The following CUX2 variants were observed in gnomAD, a reference collection of about 807,000 sequenced individuals.
The protein encoded by CUX2 is homeobox protein cut-like 2.
A neutral mutation model predicts 144.8 loss-of-function variants in CUX2; 40 were observed. The observed-to-expected ratio is 0.28, with a 90% confidence interval of 0.21 to 0.36. CUX2 has a LOEUF of 0.36. Among genes scored for constraint, CUX2 ranks in the 10% least tolerant of loss-of-function variants. The pLI, the probability that CUX2 is intolerant of heterozygous loss-of-function variation, is 1.00. For missense variants in CUX2, 1,615 were observed against 1,994.0 expected (o/e 0.81, Z 3.62); for synonymous variants, 827 against 875.6 (o/e 0.94, Z 0.98).
intron 20 of CUX2, among the ~76,000 whole-genome samples, chr12:111,339,226 T>C (rs1006665012): frequency 1.3e-5 from 2 of 151,134 alleles, no homozygotes. Context: ...AACGACTCTG[T>C]CTCAAAAAAA....
At chr12:111,205,723 C>T (rs189355140) in intron 1 of CUX2, among the ~76,000 whole-genome samples, 51 of 152,272 alleles carry the variant, frequency 3.3e-4, no homozygotes, top group Admixed American at 9.8e-4. Flanking sequence ...GACACAGAAA[C>T]GGAGGCTGAG....
intron 3 of CUX2, among the ~76,000 whole-genome samples, chr12:111,243,496 CTTTT>C (rs761276935): frequency 2.5e-5 from 2 of 80,018 alleles, no homozygotes; most frequent in African/African-American, 5.9e-5. Flanking sequence ...GTTGATGTGC[CTTTT>C]TTTTTTTTTT....
At chr12:111,115,074 C>G (rs942024134) in intron 1 of CUX2, among the ~76,000 whole-genome samples, 2 of 152,124 alleles carry the variant, frequency 1.3e-5, no homozygotes, top group Non-Finnish European at 2.9e-5. Flanking sequence ...TATATCTTCA[C>G]AGTAAGTTCT....
At chr12:111,070,729 C>G (rs1871225411) in intron 1 of CUX2, among the ~76,000 whole-genome samples, 1 of 152,056 alleles carries the variant, frequency 6.6e-6, no homozygotes, top group South Asian at 2.1e-4. Flanking sequence ...AGGATTTTTG[C>G]TGCCCTAAAA....
intron 21 of CUX2, among the ~76,000 whole-genome samples, 188 bp downstream of exon 21, chr12:111,342,241 G>T (rs989063643): frequency 6.6e-6 from 1 of 152,114 alleles, no homozygotes; most frequent in Non-Finnish European, 1.5e-5. Flanking sequence ...ACTTTGGGAG[G>T]CCAAGGTGGG....
At chr12:111,254,873 G>A (rs886687816) in intron 3 of CUX2, among the ~76,000 whole-genome samples, 3 of 151,988 alleles carry the variant, frequency 2.0e-5, no homozygotes, top group African/African-American at 4.8e-5. Flanking sequence ...TTTTTGAGAC[G>A]GAGCCTTGCG....
chr12:111,063,363 C>T (rs1870872032), intron 1 of CUX2, among the ~76,000 whole-genome samples: 3 of 152,034 alleles, frequency 2.0e-5, no homozygotes, highest in Admixed American at 2.0e-4. Flanking sequence ...TGCAGTCCAA[C>T]ATTGCTCCAG....
chr12:111,349,043 T>C lies in CUX2; in HGVS notation c.*718T>C, dbSNP rs1888942586. ...GCTTGATAACAGAATGTCCGTGCCA[T>C]TGTAAATGTTGTAGAGATGTGGGCC... On this transcript the variant is annotated 3_prime_UTR_variant, in exon 22 of 22. Coordinates refer to ENST00000261726, the MANE Select transcript of CUX2 (RefSeq NM_015267.4). The C allele has an allele frequency of 6.6e-6, 1 of 152,616 alleles. No individual in the cohort carries two copies. Among genetic ancestry groups the C allele is most frequent in the South Asian group, 2.1e-4 (1 of 4,832 alleles). The allele number at this position is 152,616 out of a possible 1,614,324, so 9.5% of individuals were successfully genotyped here.
intron 1 of CUX2, among the ~76,000 whole-genome samples, chr12:111,125,181 T>C (rs1874974333): frequency 9.1e-6 from 1 of 110,018 alleles, no homozygotes; most frequent in Non-Finnish European, 1.6e-5. Flanking sequence ...TATTCTGGAA[T>C]TTTTTTTTTT....
intron 1 of CUX2, among the ~76,000 whole-genome samples, chr12:111,095,769 C>T (rs1872778024): frequency 6.6e-6 from 1 of 152,210 alleles, no homozygotes; most frequent in East Asian, 1.9e-4. Context: ...ACTACCATCA[C>T]TACTTTTTCT....
chr12:111,126,051 G>A (rs181486789), intron 1 of CUX2, among the ~76,000 whole-genome samples: 2 of 149,554 alleles, frequency 1.3e-5, no homozygotes, highest in Non-Finnish European at 1.5e-5. Flanking sequence ...GCGTGGGGGG[G>A]GCGGATTTAT....
intron 4 of CUX2, among the ~76,000 whole-genome samples, chr12:111,268,719 A>C (rs1296708855): frequency 6.6e-6 from 1 of 152,270 alleles, no homozygotes; most frequent in Non-Finnish European, 1.5e-5. Context: ...CAAGAGGCCC[A>C]GTGGCACCAT....
chr12:111,131,438 A>T (rs368943947), intron 1 of CUX2, among the ~76,000 whole-genome samples: 15 of 152,116 alleles, frequency 9.9e-5, no homozygotes, highest in African/African-American at 1.7e-4. Flanking sequence ...TCCAAATCTC[A>T]TGTCCTCTCA....
chr12:111,110,445 AG>A (rs1255126727), intron 1 of CUX2, among the ~76,000 whole-genome samples: 2 of 152,098 alleles, frequency 1.3e-5, no homozygotes, highest in African/African-American at 2.4e-5. Context: ...CCTTCGCCAG[AG>A]TGACTCAAAC....
At chr12:111,172,710 G>A (rs528093087) in intron 1 of CUX2, among the ~76,000 whole-genome samples, 18 of 152,320 alleles carry the variant, frequency 1.2e-4, no homozygotes, top group Non-Finnish European at 2.2e-4. Context: ...AGTTTAAAAG[G>A]AGTCTGTGTC....
intron 1 of CUX2, among the ~76,000 whole-genome samples, chr12:111,080,763 C>T (rs1362410124): frequency 6.6e-6 from 1 of 152,146 alleles, no homozygotes; most frequent in Non-Finnish European, 1.5e-5. Context: ...GCACTTGGCA[C>T]AGAGTAGGTG....
chr12:111,232,216 T>A (rs935479143), intron 3 of CUX2, among the ~76,000 whole-genome samples: 3 of 150,666 alleles, frequency 2.0e-5, no homozygotes, highest in South Asian at 2.1e-4. Context: ...AAAAAAAATA[T>A]ATATATATAT....
chr12:111,204,593 G>A (rs1880801330), intron 1 of CUX2, among the ~76,000 whole-genome samples: 1 of 152,198 alleles, frequency 6.6e-6, no homozygotes, highest in African/African-American at 2.4e-5. Flanking sequence ...GGGTCCCCAT[G>A]ATGGCACTTC....
intron 16 of CUX2, among the ~76,000 whole-genome samples, chr12:111,314,639 T>TAAAAAAAAAAAAA (rs954472479): frequency 1.3e-4 from 3 of 23,234 alleles, no homozygotes; most frequent in East Asian, 1.8e-3. Flanking sequence ...AAACTCAGTC[T>TAAAAAAAAAAAAA]AAAAAAAAAA....
Sources: gnomAD v4.1 joint callset for allele counts (sites outside exome capture counted in the v4.1 genomes callset) on GRCh38, gnomAD v4.1.1 for gene constraint, MANE v1.5 for transcripts, NCBI Gene and HGNC (gene_info 2026-07-23, HGNC 2026-07-21) for gene names.